DENND2A: variants seen among roughly 807,000 people sequenced by gnomAD.
The protein encoded by DENND2A is DENN domain-containing protein 2A.
In DENND2A, 53 loss-of-function variants were observed where a neutral mutation model predicts 105.3. The observed-to-expected ratio is 0.50, with a 90% CI of 0.40 to 0.63. DENND2A has a LOEUF of 0.63. Ranked by LOEUF, DENND2A falls within the 30% of genes least tolerant of loss-of-function variation. DENND2A has a pLI of 0.00. For missense variants in DENND2A, 1,138 were observed against 1,279.6 expected, an observed-to-expected ratio of 0.89 and a Z score of 1.69; for synonymous variants, 522 against 508.4, an observed-to-expected ratio of 1.03 and a Z score of -0.36.
intron 1 of DENND2A, among the ~76,000 whole-genome samples, chr7:140,615,573 T>C (rs1446051736): frequency 6.6e-6 from 1 of 151,546 alleles, no homozygotes; most frequent in African/African-American, 2.4e-5. Context: ...AGCCTCGCTC[T>C]GTCGCCCAGG....
chr7:140,635,393 A>T (rs6978149), intron 1 of DENND2A, among the ~76,000 whole-genome samples: 2,232 of 152,350 alleles, frequency 0.015, 39 homozygotes, highest in African/African-American at 0.051. Context: ...ACAAAACAAC[A>T]AAAGGAAATG....
intron 11 of DENND2A, 36 bp from the exon 12 acceptor site, chr7:140,555,749 T>A: frequency 6.4e-7 from 1 of 1,552,540 alleles, no homozygotes; most frequent in Non-Finnish European, 8.7e-7. Flanking sequence ...TTATGAGTGT[T>A]GACAACCTCA....
At chr7:140,626,145 C>A (rs1007891629) in intron 1 of DENND2A, among the ~76,000 whole-genome samples, 3 of 152,226 alleles carry the variant, frequency 2.0e-5, no homozygotes, top group African/African-American at 7.2e-5. Flanking sequence ...TCCACCTTGA[C>A]GGCACCGTAC....
rs1799511023 is a variant in DENND2A, at chr7:140,601,756, G to A, written c.642C>T (p.Ser214=). ...NLGGGSGSEV[S]QRVHPSDLEG... The stretch of plus-strand genomic sequence containing the variant: ...CCAGGTCCGAGGGGTGGACCCTCTG[G>A]CTGACTTCTGAGCCACTCCCGCCTC... Residue 214 remains serine, a synonymous_variant, in exon 3 of 20, where the codon AGC becomes AGT. Transcript: ENST00000496613. 1.2e-6 allele frequency: 2 copies of A among 1,613,796 alleles called. No homozygotes were observed. Among genetic ancestry groups the A allele is most frequent in the Admixed American group, 3.3e-5 (2 of 59,964 alleles).
At chr7:140,622,686 G>A (rs555452898) in intron 1 of DENND2A, among the ~76,000 whole-genome samples, 116 of 152,088 alleles carry the variant, frequency 7.6e-4, no homozygotes, top group Middle Eastern at 3.4e-3. Context: ...AGCCCCAACC[G>A]TCCACCAACC....
intron 3 of DENND2A, among the ~76,000 whole-genome samples, chr7:140,588,902 CT>C (rs1798897930): frequency 6.6e-6 from 1 of 151,738 alleles, no homozygotes. Context: ...ATCACCATGT[CT>C]GGCTAATTTT....
intron 6 of DENND2A, among the ~76,000 whole-genome samples, chr7:140,572,928 T>A (rs945059316): frequency 6.6e-6 from 1 of 152,092 alleles, no homozygotes. Context: ...TGAAACTCCA[T>A]GTAAAAGAGG....
intron 8 of DENND2A, among the ~76,000 whole-genome samples, chr7:140,568,085 C>T (rs945474965): frequency 5.3e-5 from 8 of 152,234 alleles, no homozygotes; most frequent in East Asian, 1.9e-4. Context: ...GGATTACAGG[C>T]GCCTGCCACC....
intron 1 of DENND2A, among the ~76,000 whole-genome samples, chr7:140,613,400 C>T (rs1222542059): frequency 1.3e-5 from 2 of 151,476 alleles, no homozygotes; most frequent in African/African-American, 2.4e-5. Context: ...ATTAGCCGAG[C>T]GTGGTGGTGT....
Position 140,523,235 on chromosome 7 carries a change from G to A in DENND2A, c.2665+72C>T. ...TGCCCATATTCCTACTTGGCCCTTG[G>A]CCACTGCCCATTTGTTCCCTGACCC... On this transcript the variant is annotated intron_variant, in intron 17 of 19. Transcript: ENST00000496613. The surrounding 1 kb of genome is among the most constrained non-coding windows in gnomAD (Gnocchi z 4.5). 1 of 1,453,800 alleles carries A rather than the reference G, an allele frequency of 6.9e-7. No individual in the cohort carries two copies. The highest frequency in any genetic ancestry group is 9.7e-7 in the Non-Finnish European group (1 of 1,035,154). 90.1% of individuals were successfully genotyped at this position (1,453,800 alleles called of 1,614,324 possible).
intron 5 of DENND2A, among the ~76,000 whole-genome samples, chr7:140,575,997 C>G (rs187401568): frequency 6.6e-6 from 1 of 150,926 alleles, no homozygotes; most frequent in East Asian, 1.9e-4. Flanking sequence ...AAACAAAAAA[C>G]TTAATGTACT....
At chr7:140,581,865 T>A (rs778018907) in intron 5 of DENND2A, among the ~76,000 whole-genome samples, 3 of 152,184 alleles carry the variant, frequency 2.0e-5, no homozygotes, top group Non-Finnish European at 4.4e-5. Context: ...GCTCTAGGTT[T>A]TCTCCAGCCC....
At chr7:140,583,969 C>T (rs269236) in intron 5 of DENND2A, among the ~76,000 whole-genome samples, 67,471 of 142,882 alleles carry the variant, frequency 0.47, 17,643 homozygotes, top group African/African-American at 0.66. Context: ...AGGTCAGGTG[C>T]GGTGGCTCAC....
rs1219784220 is a variant in DENND2A at position 140,624,863 on chromosome 7, T to A, written c.-248+15641A>T. On this transcript the variant is annotated intron_variant, in intron 1 of 19. Coordinates refer to ENST00000496613, the MANE Select transcript of DENND2A (RefSeq NM_015689.5). ...TGTTTTTCTTTGTTTTTTTTGTTTT[T>A]TTTTGTTTTTTTTTTTTTGCTTTTT... Among the ~76,000 whole-genome samples the A allele has an allele frequency of 1.6e-4, 24 of 148,336 alleles. 1 individual carries two copies. The highest frequency in any genetic ancestry group is 6.2e-4 in the African/African-American group (24 of 38,680).
At chr7:140,638,984 C>T (rs189993840) in intron 1 of DENND2A, among the ~76,000 whole-genome samples, 1 of 152,320 alleles carries the variant, frequency 6.6e-6, no homozygotes, top group African/African-American at 2.4e-5. Context: ...GTCTAGCACG[C>T]ATGCCTAGCA....
At chr7:140,567,303 AAAG>A in intron 8 of DENND2A, 30 bp from the exon 9 acceptor site, 1 of 779,146 alleles carries the variant, frequency 1.3e-6, no homozygotes, top group Non-Finnish European at 1.7e-6. Context: ...AGAAAGAGAG[AAAG>A]AGAGAGAGAG....
intron 1 of DENND2A, among the ~76,000 whole-genome samples, chr7:140,636,225 G>A (rs1800926918): frequency 6.6e-6 from 1 of 152,162 alleles, no homozygotes; most frequent in African/African-American, 2.4e-5. Context: ...TGAGGGCAGT[G>A]AGGGGTCACA....
intron 17 of DENND2A, among the ~76,000 whole-genome samples, chr7:140,522,376 T>C (rs1795890934): frequency 6.6e-6 from 1 of 152,204 alleles, no homozygotes; most frequent in East Asian, 1.9e-4. Context: ...TGCAGTGGCA[T>C]AATCCTGACT....
chr7:140,518,644 A>C lies in DENND2A; in HGVS notation c.*63T>G, dbSNP rs1795743637. The C allele has an allele frequency of 5.8e-6, 9 of 1,556,756 alleles. No individual in the cohort carries two copies. The South Asian group carries it at 1.0e-4, about 18-fold the overall frequency. ...TGGGACCCAGCCTTTCAGAAAGGCCACCAGGAACTGTTTTTAAAGCATAGG... is the reference window on the plus strand; with the variant it reads ...TGGGACCCAGCCTTTCAGAAAGGCCCCCAGGAACTGTTTTTAAAGCATAGG... On this transcript the variant is annotated 3_prime_UTR_variant, in exon 20 of 20. Transcript: ENST00000496613.
Sources: gnomAD v4.1 joint callset for allele counts (sites outside exome capture counted in the v4.1 genomes callset) on GRCh38, gnomAD v4.1.1 for gene constraint, Gnocchi (gnomAD v3.1) non-coding constraint, MANE v1.5 for transcripts, NCBI Gene and HGNC (gene_info 2026-07-23, HGNC 2026-07-21) for gene names.